RCN2: variants seen among roughly 807,000 people sequenced by gnomAD.
The protein encoded by RCN2 is reticulocalbin 2, also known as reticulocalbin-2.
A neutral mutation model predicts 37.5 loss-of-function variants in RCN2; 23 were observed. The ratio of observed to expected loss-of-function variants is 0.61; its 90% CI spans 0.44 to 0.87. The LOEUF (loss-of-function observed/expected upper bound fraction) is 0.87. Among genes scored for constraint, RCN2 ranks in the 40% least tolerant of loss-of-function variants. The pLI is 0.00. For synonymous variants in RCN2, 140 were observed against 144.6 expected (o/e 0.97, Z 0.23); for missense variants, 381 against 390.4 (o/e 0.98, Z 0.20).
Position 76,931,780 on chromosome 15 carries a change from C to T in RCN2, c.-62C>T, listed in dbSNP as rs1315977391. The T allele has an allele frequency of 6.8e-6, 8 of 1,171,040 alleles. No individual in the cohort carries two copies. In the South Asian group the frequency reaches 1.2e-4, roughly 18 times the overall value. The allele number at this position is 1,171,040 out of a possible 1,614,324, so 72.5% of individuals were successfully genotyped here. A position where few individuals can be genotyped will look rare whatever the true frequency, so the allele number is the denominator to read the frequency against. ...GTAGCCGCCCGCGGAGCATCGCAGC[C>T]GGCCCGGGCCCCCGCCAGCCTCCCT... On this transcript the variant is annotated 5_prime_UTR_variant, in exon 1 of 7. Transcript: ENST00000394885.
At position 76,953,046 on chromosome 15, in the gene RCN2, G is replaced by C. The variant is rs1261352672; in HGVS notation, c.*3824G>C. 6.5e-6 allele frequency: 1 copy of C among 152,828 alleles called. No homozygotes were observed. The highest frequency in any genetic ancestry group is 1.5e-5 in the Non-Finnish European group (1 of 68,570). The allele number at this position is 152,828 out of a possible 1,614,324, so 9.5% of individuals were successfully genotyped here. On this transcript the variant is annotated 3_prime_UTR_variant, in exon 7 of 7. Transcript: ENST00000394885. ...CCTCCCAGGTTCAAGCGATTCTCCTGCCTCAGCCTCCCAAGTAGCTGGGAT... is the reference window on the plus strand; with the variant it reads ...CCTCCCAGGTTCAAGCGATTCTCCTCCCTCAGCCTCCCAAGTAGCTGGGAT...
At chr15:76,939,996 G>C (rs375542093) in intron 3 of RCN2, among the ~76,000 whole-genome samples, 11 of 152,108 alleles carry the variant, frequency 7.2e-5, no homozygotes, top group African/African-American at 2.2e-4. Context: ...CAGCTACTTA[G>C]AATGTGTTGA....
At chr15:76,948,370 A>C (rs766373350) in intron 5 of RCN2, 40 bp from the exon 6 acceptor site, 2 of 1,415,302 alleles carry the variant, frequency 1.4e-6, no homozygotes, top group African/African-American at 2.8e-5. Flanking sequence ...GATACATGTG[A>C]TATTCTTGTG....
chr15:76,932,571 G>A, intron 2 of RCN2, 105 bp downstream of exon 2: 1 of 755,894 alleles, frequency 1.3e-6, no homozygotes, highest in Non-Finnish European at 2.3e-6. Flanking sequence ...TGGAAGTCCT[G>A]TGAGAAGGAG....
chr15:76,948,592 C>T, intron 6 of RCN2, 40 bp downstream of exon 6: 1 of 1,472,180 alleles, frequency 6.8e-7, no homozygotes, highest in Non-Finnish European at 9.1e-7. Flanking sequence ...CACCCCCTCC[C>T]CCCGAATTTG....
chr15:76,946,682 G>A (rs1385694231), intron 4 of RCN2, among the ~76,000 whole-genome samples: 1 of 152,196 alleles, frequency 6.6e-6, no homozygotes, highest in Non-Finnish European at 1.5e-5. Context: ...AACCCGGGAA[G>A]CAGAGGTTGT....
At chr15:76,932,053 G>A in intron 1 of RCN2, 68 bp downstream of exon 1, 1 of 1,244,640 alleles carries the variant, frequency 8.0e-7, no homozygotes, top group Non-Finnish European at 1.0e-6. Flanking sequence ...CTTTGTCCCG[G>A]GACAAAGGGG....
At chr15:76,940,147 T>C (rs557364411) in intron 3 of RCN2, among the ~76,000 whole-genome samples, 2 of 152,102 alleles carry the variant, frequency 1.3e-5, no homozygotes, top group Non-Finnish European at 2.9e-5. Flanking sequence ...GTCTCTATCT[T>C]CATGAAGTTC....
At chr15:76,946,862 A>AG (rs1452781269) in intron 4 of RCN2, among the ~76,000 whole-genome samples, 1 of 152,150 alleles carries the variant, frequency 6.6e-6, no homozygotes, top group African/African-American at 2.4e-5. Context: ...CTTTGATAAG[A>AG]GGGAGGAACA....
At position 76,951,285 on chromosome 15, in the gene RCN2, G is replaced by A. The variant is rs1170496189; in HGVS notation, c.*2063G>A. 6.6e-6 allele frequency: 1 copy of A among 152,230 alleles called. No individual in the cohort carries two copies. Among genetic ancestry groups the A allele is most frequent in the Non-Finnish European group, 1.5e-5 (1 of 68,038 alleles). The allele number at this position is 152,230 out of a possible 1,614,324, so 9.4% of individuals were successfully genotyped here. On this transcript the variant is annotated 3_prime_UTR_variant, in exon 7 of 7. Transcript: ENST00000394885. ...TCTGACCAGTTAAACATGGGTGGAAGTAGTGTGTGTCACTATCAGACTATC... is the reference window on the plus strand; with the variant it reads ...TCTGACCAGTTAAACATGGGTGGAAATAGTGTGTGTCACTATCAGACTATC...
chr15:76,935,040 T>G (rs1427466517), intron 2 of RCN2, among the ~76,000 whole-genome samples: 4 of 152,156 alleles, frequency 2.6e-5, no homozygotes, highest in Non-Finnish European at 5.9e-5. Context: ...GTATGGAAGC[T>G]CCGGCCAGGC....
At chr15:76,942,240 T>A (rs1156402071) in intron 3 of RCN2, 1 of 152,230 alleles carries the variant, frequency 6.6e-6, no homozygotes, top group African/African-American at 2.4e-5. Flanking sequence ...TGACCTCTAT[T>A]ATTCTAGAAG....
chr15:76,946,536 G>A (rs1311493612), intron 4 of RCN2, among the ~76,000 whole-genome samples: 2 of 152,226 alleles, frequency 1.3e-5, no homozygotes, highest in African/African-American at 4.8e-5. Flanking sequence ...CAGATCATCC[G>A]AGGTTAGGAG....
At chr15:76,941,935 AG>A in intron 3 of RCN2, 1 of 324,114 alleles carries the variant, frequency 3.1e-6, no homozygotes. Flanking sequence ...TTATTCAAAA[AG>A]AACTTGATTG....
chr15:76,953,591 ATATTTTTTTTTT>A lies in RCN2; in HGVS notation c.*4371_*4382del, dbSNP rs2075333705. ...TATATATATATATATATATATATAT[ATATTTTTTTTTT>A]TTTTTTTTTTTTTTTTTTTTTTGAG... On this transcript the variant is annotated 3_prime_UTR_variant, in exon 7 of 7. Transcript: ENST00000394885. 8.1e-5 allele frequency: 1 copy of A among 12,386 alleles called. No homozygotes were observed. The highest frequency in any genetic ancestry group is 3.1e-4 in the African/African-American group (1 of 3,210). 0.8% of individuals were successfully genotyped at this position (12,386 alleles called of 1,614,324 possible). A position where few individuals can be genotyped will look rare whatever the true frequency, so the allele number is the denominator to read the frequency against.
rs2075312328 is a variant in RCN2, at chr15:76,949,943, T to G, written c.*721T>G. 1 of 152,556 alleles carries G rather than the reference T, an allele frequency of 6.6e-6. No individual in the cohort carries two copies. The highest frequency in any genetic ancestry group is 1.9e-4 in the East Asian group (1 of 5,208). 9.5% of individuals were successfully genotyped at this position (152,556 alleles called of 1,614,324 possible). ...TTTTCTTTAACTTTCAGATAAATAT[T>G]GAATTTAGCATAGGTTTTGTGGTAT... On this transcript the variant is annotated 3_prime_UTR_variant, in exon 7 of 7. Coordinates refer to ENST00000394885, the MANE Select transcript of RCN2 (RefSeq NM_002902.3).
rs1180023010 is a variant in RCN2 at position 76,952,429 on chromosome 15, T to C, written c.*3207T>C. 6.6e-6 allele frequency: 1 copy of C among 152,202 alleles called. No homozygotes were observed. The highest frequency in any genetic ancestry group is 1.5e-5 in the Non-Finnish European group (1 of 68,040). 9.4% of individuals were successfully genotyped at this position (152,202 alleles called of 1,614,324 possible). A position where few individuals can be genotyped will look rare whatever the true frequency, so the allele number is the denominator to read the frequency against. ...CTGTTCATAATTTTTTAGATTGTAGTAAAATACACATAACAAAATTCATCT... is the reference window on the plus strand; with the variant it reads ...CTGTTCATAATTTTTTAGATTGTAGCAAAATACACATAACAAAATTCATCT... On this transcript the variant is annotated 3_prime_UTR_variant, in exon 7 of 7. Transcript: ENST00000394885.
At chr15:76,945,520 A>G (rs1420688811) in intron 4 of RCN2, among the ~76,000 whole-genome samples, 2 of 152,362 alleles carry the variant, frequency 1.3e-5, no homozygotes, top group African/African-American at 2.4e-5. Flanking sequence ...GTTTAACTCA[A>G]CAAACATAAA....
chr15:76,937,534 AG>A (rs1224265144), intron 3 of RCN2, among the ~76,000 whole-genome samples: 3 of 151,954 alleles, frequency 2.0e-5, no homozygotes, highest in Non-Finnish European at 4.4e-5. Flanking sequence ...CAGCCCCCGA[AG>A]TAGCTGGGAT....
Sources: gnomAD v4.1 joint callset for allele counts (sites outside exome capture counted in the v4.1 genomes callset) on GRCh38, gnomAD v4.1.1 for gene constraint, MANE v1.5 for transcripts, NCBI Gene and HGNC (gene_info 2026-07-23, HGNC 2026-07-21) for gene names.